The following PDE3A variants were observed in gnomAD, a reference collection of about 807,000 sequenced individuals.
PDE3A encodes phosphodiesterase 3A.
A neutral mutation model predicts 98.3 loss-of-function variants in PDE3A; 43 were observed. That is an observed-to-expected ratio of 0.44 (90% CI 0.34 to 0.56). The LOEUF is 0.56. PDE3A is among the 20% of genes least tolerant of loss of function. The pLI, the probability that PDE3A is intolerant of heterozygous loss-of-function variation, is 0.01. For missense variants in PDE3A, 1,427 were observed against 1,440.7 expected, an observed-to-expected ratio of 0.99 and a Z score of 0.15; for synonymous variants, 663 against 567.9, an observed-to-expected ratio of 1.17 and a Z score of -2.38.
At chr12:20,395,841 G>A (rs1012283655) in intron 1 of PDE3A, among the ~76,000 whole-genome samples, 3 of 151,580 alleles carry the variant, frequency 2.0e-5, no homozygotes, top group Non-Finnish European at 2.9e-5. Context: ...GGTTATCAAT[G>A]AGGTTCGTTA....
chr12:20,446,476 G>T (rs550536285), intron 1 of PDE3A, among the ~76,000 whole-genome samples: 3 of 152,264 alleles, frequency 2.0e-5, no homozygotes, highest in South Asian at 2.1e-4. Context: ...GTAATCTCAC[G>T]TTCAAGGAAG....
chr12:20,613,071 CT>C (rs1943908490), intron 2 of PDE3A, among the ~76,000 whole-genome samples: 1 of 152,052 alleles, frequency 6.6e-6, no homozygotes, highest in African/African-American at 2.4e-5. Flanking sequence ...ATTAATGTTA[CT>C]TTTGGAGTGA....
chr12:20,422,163 G>GA (rs1355271543), intron 1 of PDE3A, among the ~76,000 whole-genome samples: 1 of 151,988 alleles, frequency 6.6e-6, no homozygotes, highest in African/African-American at 2.4e-5. Context: ...TGGCTAACAC[G>GA]GTGAAACTCC....
intron 1 of PDE3A, among the ~76,000 whole-genome samples, chr12:20,459,997 T>G (rs1242440056): frequency 6.6e-6 from 1 of 152,176 alleles, no homozygotes; most frequent in East Asian, 1.9e-4. Context: ...ATTGTGCCAT[T>G]GTGGCATAGC....
intron 1 of PDE3A, among the ~76,000 whole-genome samples, chr12:20,425,076 T>C (rs1458808742): frequency 6.6e-6 from 1 of 152,204 alleles, no homozygotes; most frequent in Non-Finnish European, 1.5e-5. Context: ...AAAGAACATG[T>C]TTTTAGATCA....
intron 2 of PDE3A, among the ~76,000 whole-genome samples, chr12:20,562,815 T>G (rs2121289902): frequency 6.6e-6 from 1 of 152,304 alleles, no homozygotes; most frequent in African/African-American, 2.4e-5. Flanking sequence ...GTCCATCTGG[T>G]TTTCAAATGA....
At chr12:20,676,349 G>T (rs1382517670) in intron 15 of PDE3A, among the ~76,000 whole-genome samples, 1 of 151,952 alleles carries the variant, frequency 6.6e-6, no homozygotes, top group Non-Finnish European at 1.5e-5. Flanking sequence ...TGGGTATATG[G>T]TTTTTTCTTT....
chr12:20,529,210 AC>A (rs1176167594), intron 1 of PDE3A, among the ~76,000 whole-genome samples: 4 of 152,156 alleles, frequency 2.6e-5, no homozygotes, highest in African/African-American at 9.7e-5. Flanking sequence ...AGAAGGTAGC[AC>A]AGTCCTCACC....
intron 1 of PDE3A, among the ~76,000 whole-genome samples, chr12:20,512,333 T>C (rs992844776): frequency 4.6e-5 from 7 of 152,156 alleles, no homozygotes; most frequent in African/African-American, 1.7e-4. Context: ...AATAGGAATT[T>C]TGTTTAAAAA....
At chr12:20,475,728 C>T (rs1945521584) in intron 1 of PDE3A, among the ~76,000 whole-genome samples, 1 of 152,014 alleles carries the variant, frequency 6.6e-6, no homozygotes, top group Admixed American at 6.6e-5. Flanking sequence ...TACACACACA[C>T]ACACACATAC....
intron 1 of PDE3A, among the ~76,000 whole-genome samples, chr12:20,518,685 A>G (rs940287476): frequency 6.6e-6 from 1 of 152,204 alleles, no homozygotes; most frequent in Non-Finnish European, 1.5e-5. Context: ...TTTTGCATGT[A>G]AAAGAGAATG....
intron 1 of PDE3A, among the ~76,000 whole-genome samples, chr12:20,381,751 T>C (rs1466926939): frequency 6.6e-6 from 1 of 151,940 alleles, no homozygotes; most frequent in Non-Finnish European, 1.5e-5. Flanking sequence ...ATGACCAGAA[T>C]TGATTAAAAA....
chr12:20,575,019 A>T (rs561105682), intron 2 of PDE3A, among the ~76,000 whole-genome samples: 1 of 152,072 alleles, frequency 6.6e-6, no homozygotes, highest in South Asian at 2.1e-4. Flanking sequence ...GCCATTGGAC[A>T]TACTATTTAT....
intron 1 of PDE3A, among the ~76,000 whole-genome samples, chr12:20,456,752 C>T (rs1210612687): frequency 6.6e-6 from 1 of 152,086 alleles, no homozygotes; most frequent in African/African-American, 2.4e-5. Context: ...GTTTAATAAT[C>T]CTTTATAGCT....
intron 1 of PDE3A, among the ~76,000 whole-genome samples, chr12:20,393,525 GATAA>G (rs1943956382): frequency 6.6e-6 from 1 of 151,878 alleles, no homozygotes; most frequent in Admixed American, 6.6e-5. Flanking sequence ...CACAAAGAAA[GATAA>G]ATGTTTAAGG....
rs541184413 is a variant in PDE3A, at chr12:20,385,265, C to T, written c.960+15021C>T. Among the ~76,000 whole-genome samples the T allele has an allele frequency of 1.4e-4, 22 of 152,000 alleles. No individual in the cohort carries two copies. In the East Asian group the frequency reaches 1.8e-3, roughly 12 times the overall value. On this transcript the variant is annotated intron_variant, in intron 1 of 15. Coordinates refer to ENST00000359062, the MANE Select transcript of PDE3A (RefSeq NM_000921.5). ...TACCATCTCACACCAGTTAGAATGG[C>T]GATCATTAAAAAGTCAGGAAGCGAC...
At chr12:20,653,843 T>G in intron 14 of PDE3A, 104 bp from the exon 15 acceptor site, 1 of 1,177,012 alleles carries the variant, frequency 8.5e-7, no homozygotes, top group Non-Finnish European at 1.2e-6. Flanking sequence ...TAGGATCCTT[T>G]AGCTGTCAAG....
chr12:20,453,874 C>T lies in PDE3A; in HGVS notation c.960+83630C>T, dbSNP rs1016931718. Among the ~76,000 whole-genome samples, 9 of 152,238 alleles carry T rather than the reference C, an allele frequency of 5.9e-5. No individual in the cohort carries two copies. The East Asian group carries it at 7.7e-4, about 13-fold the overall frequency. On this transcript the variant is annotated intron_variant, in intron 1 of 15. Coordinates refer to ENST00000359062, the MANE Select transcript of PDE3A (RefSeq NM_000921.5). The stretch of plus-strand genomic sequence containing the variant: ...CTACACAGTTACCATCATCTGTTGC[C>T]GGAATTATCTGTTGCCTGCTTCCAC...
chr12:20,543,375 C>T (rs182658237), intron 1 of PDE3A, among the ~76,000 whole-genome samples: 31 of 151,998 alleles, frequency 2.0e-4, no homozygotes, highest in Admixed American at 1.7e-3. Flanking sequence ...AACAGACTCT[C>T]TCTAGCTTTT....
Sources: allele counts gnomAD v4.1 joint callset (sites outside exome capture counted in the v4.1 genomes callset), GRCh38; gene constraint gnomAD v4.1.1; transcripts MANE v1.5; gene names NCBI Gene and HGNC (gene_info 2026-07-23, HGNC 2026-07-21).